The following SEMA3A variants were observed in gnomAD, a reference collection of about 807,000 sequenced individuals.
The protein encoded by SEMA3A is semaphorin-3A.
Under a neutral mutation model 97.9 loss-of-function variants are expected in SEMA3A, and 29 were observed. The ratio of observed to expected loss-of-function variants is 0.30; its 90% CI spans 0.22 to 0.40. The LOEUF is 0.40. SEMA3A is among the 10% of genes least tolerant of loss of function. The pLI is 1.00. For synonymous variants in SEMA3A, 321 were observed against 323.7 expected (o/e 0.99, Z 0.09); for missense variants, 763 against 951.3 (o/e 0.80, Z 2.60).
chr7:84,213,397 G>A (rs1298833792), intron 3 of SEMA3A, among the ~76,000 whole-genome samples: 1 of 152,128 alleles, frequency 6.6e-6, no homozygotes, highest in African/African-American at 2.4e-5. Flanking sequence ...TCCTGCCTCA[G>A]CTTCCCAAGT....
chr7:84,083,505 G>A (rs1794231891), intron 4 of SEMA3A, among the ~76,000 whole-genome samples: 2 of 151,724 alleles, frequency 1.3e-5, no homozygotes, highest in South Asian at 4.1e-4. Flanking sequence ...ATAAATTACT[G>A]TTAACTAAAG....
intron 1 of SEMA3A, among the ~76,000 whole-genome samples, chr7:84,462,584 A>G (rs898438072): frequency 2.6e-5 from 4 of 152,166 alleles, no homozygotes; most frequent in African/African-American, 9.7e-5. Flanking sequence ...TCTTCCTCAC[A>G]GTCTGGCACT....
chr7:84,389,682 TA>T (rs1803489863), intron 1 of SEMA3A, among the ~76,000 whole-genome samples: 2 of 152,136 alleles, frequency 1.3e-5, no homozygotes, highest in Non-Finnish European at 2.9e-5. Flanking sequence ...TAATTATAGT[TA>T]GAAGCTTTAA....
intron 1 of SEMA3A, among the ~76,000 whole-genome samples, chr7:84,480,168 A>G (rs1353046942): frequency 6.6e-6 from 1 of 152,196 alleles, no homozygotes; most frequent in Non-Finnish European, 1.5e-5. Context: ...CTTTCGCTCA[A>G]TTAGCAACAT....
intron 1 of SEMA3A, among the ~76,000 whole-genome samples, chr7:84,176,238 C>G (rs764823687): frequency 9.2e-5 from 14 of 151,990 alleles, no homozygotes; most frequent in Middle Eastern, 3.4e-3. Flanking sequence ...CTGTAAATTG[C>G]CAAAGCAATT....
At chr7:84,203,526 A>ATATATATATATATATT (rs372380784) in intron 3 of SEMA3A, among the ~76,000 whole-genome samples, 1 of 25,670 alleles carries the variant, frequency 3.9e-5, no homozygotes, top group Non-Finnish European at 7.1e-5. Context: ...ATATATATAT[A>ATATATATATATATATT]TTTTTTTTTT....
At chr7:84,051,383 C>G (rs543027344) in intron 5 of SEMA3A, among the ~76,000 whole-genome samples, 1 of 152,146 alleles carries the variant, frequency 6.6e-6, no homozygotes, top group African/African-American at 2.4e-5. Flanking sequence ...TCTTTTATTT[C>G]CTTGAGCAGT....
In SEMA3A at chr7:84,065,647, C is replaced by T. The variant is rs922326986; in HGVS notation, c.454-5089G>A. ...TCAGAGAATACTACAAACACCTCTA[C>T]GCAAATAAACTAGAAAATCTAGAAG... On this transcript the variant is annotated intron_variant, in intron 4 of 16. Transcript: ENST00000265362. Among the ~76,000 whole-genome samples, 42 of 151,814 alleles carry T rather than the reference C, an allele frequency of 2.8e-4. No homozygotes were observed. The East Asian group carries it at 4.3e-3, about 15-fold the overall frequency.
intron 6 of SEMA3A, among the ~76,000 whole-genome samples, chr7:84,026,425 G>A (rs1443903295): frequency 6.6e-6 from 1 of 151,978 alleles, no homozygotes; most frequent in Non-Finnish European, 1.5e-5. Context: ...CTCTCCTAAA[G>A]TATTGATGTG....
At position 84,308,978 on chromosome 7, in the gene SEMA3A, C is replaced by T. The variant is rs541750827; in HGVS notation, c.-168-1686G>A. Among the ~76,000 whole-genome samples the T allele has an allele frequency of 2.6e-5, 4 of 151,996 alleles. No individual in the cohort carries two copies. In the East Asian group the frequency reaches 5.8e-4, roughly 22 times the overall value. On this transcript the variant is annotated intron_variant, in intron 2 of 3. Coordinates refer to the SEMA3A transcript ENST00000424555. ...GATTACAGGTGCCTGCCACCACACC[C>T]GGCTAACTTTTGTATTTTTAGTATA...
chr7:84,253,170 G>A (rs550819394), intron 3 of SEMA3A, among the ~76,000 whole-genome samples: 1 of 152,160 alleles, frequency 6.6e-6, no homozygotes, highest in South Asian at 2.1e-4. Context: ...GAGCCAAGGA[G>A]CCCAGTCCTG....
intron 1 of SEMA3A, among the ~76,000 whole-genome samples, chr7:84,476,612 T>C (rs1195467764): frequency 6.6e-6 from 1 of 152,132 alleles, no homozygotes; most frequent in East Asian, 1.9e-4. Flanking sequence ...ATACTGAATG[T>C]ATTGTGTTGC....
chr7:84,120,571 T>G (rs894989464), intron 3 of SEMA3A, among the ~76,000 whole-genome samples: 4 of 152,140 alleles, frequency 2.6e-5, no homozygotes, highest in Non-Finnish European at 5.9e-5. Context: ...TACATACATA[T>G]GAAAATCTAT....
chr7:84,001,975 C>T lies in SEMA3A; in HGVS notation c.1432G>A (p.Glu478Lys), dbSNP rs1292377214. ...CTCACCCGAAAAACTGTCATTTCTTCCAGCAGAACCTCTTCTAAATCATAC... is the reference window on the plus strand; with the variant it reads ...CTCACCCGAAAAACTGTCATTTCTTTCAGCAGAACCTCTTCTAAATCATAC... ...TWYDLEEVLL[E>K]EMTVFREPTA... The change falls in exon 12 of 17, where the codon GAA becomes AAA. Residue 478 changes from glutamate to lysine, a missense_variant. Glu to Lys is a moderately conservative substitution (Grantham distance 56). Around this residue, in one of 2 missense-constraint regions of SEMA3A, gnomAD observed 678 missense variants for 881.3 expected, o/e 0.77. Transcript: ENST00000265362. 2.5e-6 allele frequency: 4 copies of T among 1,612,266 alleles called. No homozygotes were observed. The highest frequency in any genetic ancestry group is 4.5e-5 in the East Asian group (2 of 44,804).
intron 2 of SEMA3A, among the ~76,000 whole-genome samples, chr7:84,359,204 C>T (rs1041664062): frequency 4.1e-4 from 63 of 152,240 alleles, no homozygotes; most frequent in Non-Finnish European, 2.2e-4. Context: ...AGAGGGCATC[C>T]CTGTCTTGTG....
intron 1 of SEMA3A, among the ~76,000 whole-genome samples, chr7:84,142,969 C>T (rs1194775441): frequency 6.7e-6 from 1 of 149,020 alleles, no homozygotes; most frequent in Non-Finnish European, 1.5e-5. Context: ...CCATGCAAGC[C>T]AGACCCTTCT....
chr7:84,164,647 G>C (rs1190823235), intron 1 of SEMA3A, among the ~76,000 whole-genome samples: 1 of 152,094 alleles, frequency 6.6e-6, no homozygotes, highest in Non-Finnish European at 1.5e-5. Context: ...ATTATTTCCA[G>C]TTTACAGTGA....
At chr7:84,108,655 G>C (rs796912164) in intron 4 of SEMA3A, among the ~76,000 whole-genome samples, 1 of 151,990 alleles carries the variant, frequency 6.6e-6, no homozygotes, top group African/African-American at 2.4e-5. Flanking sequence ...CCTGTAATCC[G>C]AGCACTTTGG....
At chr7:84,467,063 A>G (rs1056537445) in intron 1 of SEMA3A, among the ~76,000 whole-genome samples, 1 of 152,112 alleles carries the variant, frequency 6.6e-6, no homozygotes, top group Non-Finnish European at 1.5e-5. Context: ...GGATTTTGGT[A>G]TGTAGTTGAA....
Sources: allele counts gnomAD v4.1 joint callset (sites outside exome capture counted in the v4.1 genomes callset), GRCh38; gene constraint gnomAD v4.1.1; regional missense constraint gnomAD v4.1.1; transcripts MANE v1.5; gene names NCBI Gene and HGNC (gene_info 2026-07-23, HGNC 2026-07-21).